ANKHD1: variants seen among roughly 807,000 people sequenced by gnomAD.
ANKHD1 encodes the protein ankyrin repeat and KH domain containing 1, also known as ankyrin repeat and KH domain-containing protein 1.
In ANKHD1, 31 loss-of-function variants were observed where a neutral mutation model predicts 230.5. The observed-to-expected ratio is 0.13, with a 90% CI of 0.10 to 0.18. The LOEUF (loss-of-function observed/expected upper bound fraction) is 0.18, where lower values mean the gene tolerates loss of function less well. Among genes scored for constraint, ANKHD1 ranks in the 10% least tolerant of loss-of-function variants. The pLI is 1.00. For missense variants in ANKHD1, 2,256 were observed against 3,071.3 expected (o/e 0.73, Z 6.27); for synonymous variants, 1,074 against 1,117.6 (o/e 0.96, Z 0.78).
At chr5:140,431,157 TG>T (rs1455779481) in intron 1 of ANKHD1, among the ~76,000 whole-genome samples, 2 of 152,196 alleles carry the variant, frequency 1.3e-5, no homozygotes, top group East Asian at 3.9e-4. Flanking sequence ...ATAAAGAGGG[TG>T]GGACAAAGGA....
At position 140,529,418 on chromosome 5, in the gene ANKHD1, TCTATTTTTGTTACGAATCCAGTTA is replaced by T; in HGVS notation, c.6475_6498del (p.Ile2159_Thr2166del). 1.2e-6 allele frequency: 2 copies of T among 1,614,168 alleles called. No homozygotes were observed. The highest frequency in any genetic ancestry group is 1.6e-4 in the Middle Eastern group (1 of 6,062). On this transcript the variant is annotated inframe_deletion, in exon 29 of 34. Transcript: ENST00000360839. ...TGCAACTATTCACCAGGATCCCCAG[TCTATTTTTGTTACGAATCCAGTTA>T]CTTTAACACCACCTCAAGGCCCACC...
At chr5:140,467,431 A>G (rs1265998687) in intron 10 of ANKHD1, among the ~76,000 whole-genome samples, 1 of 152,090 alleles carries the variant, frequency 6.6e-6, no homozygotes, top group African/African-American at 2.4e-5. Context: ...ACTGTTCTTC[A>G]TATAAAATGT....
At chr5:140,452,142 T>C (rs943792090) in intron 7 of ANKHD1, among the ~76,000 whole-genome samples, 1 of 152,032 alleles carries the variant, frequency 6.6e-6, no homozygotes, top group African/African-American at 2.4e-5. Flanking sequence ...CAGTCTGAGA[T>C]CAAACTGCAA....
At chr5:140,533,825 A>G (rs1267752630) in intron 29 of ANKHD1, among the ~76,000 whole-genome samples, 1 of 151,364 alleles carries the variant, frequency 6.6e-6, no homozygotes, top group African/African-American at 2.4e-5. Flanking sequence ...GAAATGATTC[A>G]TTTCAATAAA....
Position 140,527,101 on chromosome 5 carries a change from A to G in ANKHD1, c.5087+27A>G, listed in dbSNP as rs549314932. 3.3e-5 allele frequency: 53 copies of G among 1,595,342 alleles called. No homozygotes were observed. The highest frequency in any genetic ancestry group is 4.5e-5 in the Non-Finnish European group (53 of 1,172,216). On this transcript the variant is annotated intron_variant, in intron 27 of 33. Transcript: ENST00000360839. This position sits in a 1 kb window ranked among gnomAD's most constrained non-coding sequence, Gnocchi z 4.5. ...TAAATAGAATTAGTTCCATCTTTTT[A>G]GCTTTCATATATTTTCCCTTTCTCA...
At chr5:140,484,998 C>G (rs1214904392) in intron 11 of ANKHD1, 123 bp from the exon 12 acceptor site, 14 of 1,374,846 alleles carry the variant, frequency 1.0e-5, no homozygotes, top group South Asian at 1.6e-5. Flanking sequence ...AAACTATACA[C>G]TTAATGATTT....
At chr5:140,431,913 A>G (rs186952431) in intron 1 of ANKHD1, among the ~76,000 whole-genome samples, 12 of 152,018 alleles carry the variant, frequency 7.9e-5, no homozygotes, top group Admixed American at 4.6e-4. Context: ...ACCTGATGCT[A>G]TTATTGACAC....
chr5:140,488,017 A>G (rs1751584066), intron 14 of ANKHD1, among the ~76,000 whole-genome samples: 2 of 152,222 alleles, frequency 1.3e-5, no homozygotes, highest in Non-Finnish European at 2.9e-5. Flanking sequence ...AATTTCAGAG[A>G]TGAAATATCT....
At chr5:140,434,733 T>G (rs189498577) in intron 1 of ANKHD1, among the ~76,000 whole-genome samples, 2 of 152,116 alleles carry the variant, frequency 1.3e-5, no homozygotes, top group African/African-American at 2.4e-5. Context: ...ACAAAAACAT[T>G]GTTTTTAATG....
chr5:140,438,199 C>T (rs1773595266), intron 2 of ANKHD1, among the ~76,000 whole-genome samples: 1 of 152,090 alleles, frequency 6.6e-6, no homozygotes, highest in African/African-American at 2.4e-5. Context: ...TATGAAGTTA[C>T]ATGTGGATTA....
At chr5:140,512,768 T>A (rs953700610) in intron 22 of ANKHD1, 60 bp from the exon 23 acceptor site, 1 of 1,451,936 alleles carries the variant, frequency 6.9e-7, no homozygotes, top group Non-Finnish European at 9.3e-7. Context: ...TCTTTTATTC[T>A]TAAGAATAAT....
chr5:140,485,930 A>C lies in ANKHD1; in HGVS notation c.2142+198A>C. On this transcript the variant is annotated intron_variant, in intron 13 of 33. Transcript: ENST00000360839. This position sits in a 1 kb window ranked among gnomAD's most constrained non-coding sequence, Gnocchi z 4.8. ...TTTGTTATTGCCTTATTTATTGAGA[A>C]TAGTGGTTTTTAAAAACCACTTAAT... The C allele has an allele frequency of 1.3e-6, 1 of 787,732 alleles. No individual in the cohort carries two copies. 48.8% of individuals were successfully genotyped at this position (787,732 alleles called of 1,614,324 possible).
rs958423473 is a variant in ANKHD1, at chr5:140,506,482, C to T, written c.3409-353C>T. Among the ~76,000 whole-genome samples the T allele has an allele frequency of 4.6e-5, 7 of 152,164 alleles. No individual in the cohort carries two copies. The highest frequency in any genetic ancestry group is 1.7e-4 in the African/African-American group (7 of 41,434). On this transcript the variant is annotated intron_variant, in intron 18 of 33. Coordinates refer to ENST00000360839, the MANE Select transcript of ANKHD1 (RefSeq NM_017747.3). The surrounding 1 kb of genome is among the most constrained non-coding windows in gnomAD (Gnocchi z 4.7). ...GGCCATAAATCCCCTTTTAAAAAATCTGTTTCTTGCCCTTAAAGCCAAATA... is the reference window on the plus strand; with the variant it reads ...GGCCATAAATCCCCTTTTAAAAAATTTGTTTCTTGCCCTTAAAGCCAAATA...
intron 14 of ANKHD1, among the ~76,000 whole-genome samples, chr5:140,490,336 T>A (rs1235658465): frequency 1.3e-5 from 2 of 152,210 alleles, no homozygotes; most frequent in Non-Finnish European, 2.9e-5. Context: ...TGCCCATAAA[T>A]CTTACCCAGG....
At chr5:140,512,462 C>T (rs1471428529) in intron 22 of ANKHD1, among the ~76,000 whole-genome samples, 1 of 152,100 alleles carries the variant, frequency 6.6e-6, no homozygotes, top group African/African-American at 2.4e-5. Context: ...GTTCATTTTA[C>T]ATCACCAATG....
chr5:140,462,044 G>A (rs1042037602), intron 9 of ANKHD1, among the ~76,000 whole-genome samples: 1 of 151,850 alleles, frequency 6.6e-6, no homozygotes, highest in African/African-American at 2.4e-5. Context: ...TTTCCATTAG[G>A]CTTCCCAGAG....
intron 20 of ANKHD1, among the ~76,000 whole-genome samples, chr5:140,508,737 CAA>C (rs2127056872): frequency 6.6e-6 from 1 of 151,318 alleles, no homozygotes; most frequent in African/African-American, 2.4e-5. Flanking sequence ...GCCCGTGCAA[CAA>C]GAGAGAAACT....
chr5:140,495,151 T>C (rs1227468445), intron 14 of ANKHD1, among the ~76,000 whole-genome samples: 1 of 152,252 alleles, frequency 6.6e-6, no homozygotes, highest in Non-Finnish European at 1.5e-5. Flanking sequence ...TGTGGTCTTT[T>C]GTGTCTAGCT....
chr5:140,412,397 A>G (rs1464623018), intron 1 of ANKHD1, among the ~76,000 whole-genome samples: 1 of 152,096 alleles, frequency 6.6e-6, no homozygotes. Context: ...AGCTCAAGGG[A>G]TCCTCCTGCA....
Sources: gnomAD v4.1 joint callset for allele counts (sites outside exome capture counted in the v4.1 genomes callset) on GRCh38, gnomAD v4.1.1 for gene constraint, Gnocchi (gnomAD v3.1) non-coding constraint, MANE v1.5 for transcripts, NCBI Gene and HGNC (gene_info 2026-07-23, HGNC 2026-07-21) for gene names.